Variants in KIF13B observed in about 807,000 individuals in gnomAD.
KIF13B encodes kinesin family member 13B.
Under a neutral mutation model 222.0 loss-of-function variants are expected in KIF13B, and 127 were observed. The ratio of observed to expected loss-of-function variants is 0.57; its 90% CI spans 0.50 to 0.66. The LOEUF is 0.66. Ranked by LOEUF, KIF13B falls within the 30% of genes least tolerant of loss-of-function variation. The pLI is 0.00. For synonymous variants in KIF13B, 976 were observed against 919.0 expected (o/e 1.06, Z -1.12); for missense variants, 2,173 against 2,379.0 (o/e 0.91, Z 1.80).
chr8:29,236,957 T>TA (rs1815538711), intron 2 of KIF13B, among the ~76,000 whole-genome samples: 1 of 152,058 alleles, frequency 6.6e-6, no homozygotes, highest in Admixed American at 6.5e-5. Context: ...ATACATCATG[T>TA]AAAAAAATTA....
chr8:29,074,086 G>A (rs1169549516), intron 38 of KIF13B, among the ~76,000 whole-genome samples: 1 of 152,178 alleles, frequency 6.6e-6, no homozygotes, highest in Non-Finnish European at 1.5e-5. Flanking sequence ...GTCCTGAAAT[G>A]GCTTCTGTTC....
chr8:29,103,029 T>C (rs1808867818), intron 35 of KIF13B, among the ~76,000 whole-genome samples: 1 of 151,864 alleles, frequency 6.6e-6, no homozygotes, highest in Non-Finnish European at 1.5e-5. Context: ...GATCACGAGG[T>C]CAGGAGATCG....
chr8:29,157,159 A>G (rs1014716181), intron 13 of KIF13B, among the ~76,000 whole-genome samples: 1 of 151,888 alleles, frequency 6.6e-6, no homozygotes, highest in Non-Finnish European at 1.5e-5. Context: ...TTCAGCCTCC[A>G]GGATCTCTTG....
At chr8:29,199,461 C>T (rs979895795) in intron 2 of KIF13B, among the ~76,000 whole-genome samples, 12 of 150,808 alleles carry the variant, frequency 8.0e-5, no homozygotes, top group Non-Finnish European at 1.8e-4. Flanking sequence ...TCTGAAAATC[C>T]AAAATCTTTC....
chr8:29,124,169 A>G (rs1460877589), intron 26 of KIF13B, 46 bp from the exon 27 acceptor site: 1 of 1,139,956 alleles, frequency 8.8e-7, no homozygotes, highest in South Asian at 1.3e-5. Flanking sequence ...TGTCAAGATA[A>G]TCTATCTGAA....
At chr8:29,241,776 C>T (rs1272941969) in intron 2 of KIF13B, among the ~76,000 whole-genome samples, 39 of 149,922 alleles carry the variant, frequency 2.6e-4, no homozygotes, top group Non-Finnish European at 1.5e-5. Flanking sequence ...AATGATTATT[C>T]ATTTTATTCA....
chr8:29,102,879 AGATGACAAACATACAACCTTATT>A (rs1465193832), intron 35 of KIF13B, among the ~76,000 whole-genome samples: 1 of 152,256 alleles, frequency 6.6e-6, no homozygotes, highest in African/African-American at 2.4e-5. Flanking sequence ...TCCAATCAAA[AGATGACAAACATACAACCTTATT>A]GACTTCTTAA....
chr8:29,146,089 A>G (rs1811047956), intron 18 of KIF13B: 2 of 573,058 alleles, frequency 3.5e-6, no homozygotes, highest in Non-Finnish European at 6.1e-6. Context: ...GATTAATCAG[A>G]AAAGACTTCT....
At chr8:29,176,409 G>C (rs1460486827) in intron 9 of KIF13B, among the ~76,000 whole-genome samples, 1 of 152,140 alleles carries the variant, frequency 6.6e-6, no homozygotes, top group Admixed American at 6.5e-5. Context: ...ATAAAAATGT[G>C]AGCTATAAAT....
chr8:29,152,525 C>T (rs1811342936), intron 14 of KIF13B, among the ~76,000 whole-genome samples: 1 of 152,188 alleles, frequency 6.6e-6, no homozygotes, highest in Non-Finnish European at 1.5e-5. Flanking sequence ...TGAGCAGCCA[C>T]CAACATGGAG....
Position 29,148,656 on chromosome 8 carries a change from G to A in KIF13B, c.1734C>T (p.Ser578=). Residue 578 remains serine, a synonymous_variant, in exon 16 of 40, where the codon TCC becomes TCT. Coordinates refer to ENST00000524189, the MANE Select transcript of KIF13B (RefSeq NM_015254.4). Reference sequence around the variant, plus strand: ...AGTTAACTTCACTGGACACCTCGCTGGAGGAGTCTCCGTCTACATCCAGCT... The same window carrying A: ...AGTTAACTTCACTGGACACCTCGCTAGAGGAGTCTCCGTCTACATCCAGCT... ...SEQLDVDGDS[S]SEVSSEVNFN... The A allele has an allele frequency of 6.2e-7, 1 of 1,613,004 alleles. No homozygotes were observed. Among genetic ancestry groups the A allele is most frequent in the Non-Finnish European group, 8.5e-7 (1 of 1,179,494 alleles).
chr8:29,178,370 C>T (rs1171217930), intron 8 of KIF13B, among the ~76,000 whole-genome samples: 2 of 151,956 alleles, frequency 1.3e-5, no homozygotes, highest in Non-Finnish European at 2.9e-5. Context: ...TATATAATTC[C>T]ATTTCATGTC....
At chr8:29,177,418 G>T in intron 9 of KIF13B, 48 bp downstream of exon 9, 2 of 1,188,836 alleles carry the variant, frequency 1.7e-6, no homozygotes, top group South Asian at 1.2e-5. Context: ...TTCCCCTATT[G>T]GCTATTAAAT....
chr8:29,114,890 G>A (rs1809523325), intron 31 of KIF13B, among the ~76,000 whole-genome samples: 1 of 152,162 alleles, frequency 6.6e-6, no homozygotes. Context: ...TTCCGAAATG[G>A]AAAATCGCTC....
intron 2 of KIF13B, among the ~76,000 whole-genome samples, chr8:29,236,331 G>C (rs1815506021): frequency 6.6e-6 from 1 of 152,180 alleles, no homozygotes; most frequent in Admixed American, 6.5e-5. Flanking sequence ...TGGGGAAGAA[G>C]ACAGGGATGA....
At chr8:29,179,540 G>T (rs1206716836) in intron 8 of KIF13B, among the ~76,000 whole-genome samples, 1 of 152,204 alleles carries the variant, frequency 6.6e-6, no homozygotes, top group Non-Finnish European at 1.5e-5. Context: ...TAGTGGGAGT[G>T]GGCAGGAAGC....
At chr8:29,253,640 G>A (rs1816361944) in intron 1 of KIF13B, among the ~76,000 whole-genome samples, 1 of 151,772 alleles carries the variant, frequency 6.6e-6, no homozygotes, top group Admixed American at 6.6e-5. Context: ...AAGGCACCTG[G>A]CCAACATGGT....
chr8:29,237,663 G>A (rs1244059835), intron 2 of KIF13B, among the ~76,000 whole-genome samples: 1 of 152,138 alleles, frequency 6.6e-6, no homozygotes, highest in Non-Finnish European at 1.5e-5. Flanking sequence ...TATAGTAGCA[G>A]TCTATTGGCT....
chr8:29,237,541 CTT>C (rs10605623), intron 2 of KIF13B, among the ~76,000 whole-genome samples: 28,501 of 151,990 alleles, frequency 0.19, 3,594 homozygotes, highest in East Asian at 0.59. Context: ...AAGAAAGACT[CTT>C]TTCTTGTATT....
Sources: gnomAD v4.1 joint callset for allele counts (sites outside exome capture counted in the v4.1 genomes callset) on GRCh38, gnomAD v4.1.1 for gene constraint, MANE v1.5 for transcripts, NCBI Gene and HGNC (gene_info 2026-07-23, HGNC 2026-07-21) for gene names.